The following KHDC1 variants were observed in gnomAD, a reference collection of about 807,000 sequenced individuals.
KHDC1 encodes the protein KH homology domain-containing protein 1.
KHDC1 carries 21 observed loss-of-function variants against 24.7 expected under a neutral mutation model. The ratio of observed to expected loss-of-function variants is 0.85; its 90% CI spans 0.60 to 1.23. KHDC1 has a LOEUF of 1.23. Ranked by LOEUF, KHDC1 falls within the 50% of genes most tolerant of loss-of-function variation. KHDC1 has a pLI of 0.00. For missense variants in KHDC1, 274 were observed against 298.5 expected (o/e 0.92, Z 0.61); for synonymous variants, 98 against 111.7 (o/e 0.88, Z 0.77).
intron 2 of KHDC1, among the ~76,000 whole-genome samples, chr6:73,246,167 C>T (rs777098065): frequency 7.2e-5 from 11 of 152,122 alleles, no homozygotes; most frequent in Non-Finnish European, 1.2e-4. Context: ...ATATCTACTG[C>T]CTATATAAAT....
chr6:73,253,381 G>A (rs1332511895), intron 2 of KHDC1, among the ~76,000 whole-genome samples: 2 of 151,374 alleles, frequency 1.3e-5, no homozygotes, highest in African/African-American at 2.4e-5. Context: ...GTGAAACCCC[G>A]TCTCTACTAA....
chr6:73,248,201 G>A (rs1766705133), intron 2 of KHDC1, among the ~76,000 whole-genome samples: 1 of 152,142 alleles, frequency 6.6e-6, no homozygotes, highest in Admixed American at 6.5e-5. Context: ...AGGGAGCCTG[G>A]GTGGACTATT....
exon 4 of KHDC1, chr6:73,242,216 C>T (rs765437338): frequency 2.0e-5 from 33 of 1,613,180 alleles, no homozygotes; most frequent in Non-Finnish European, 2.3e-5. Context: ...CTCAATGCAG[C>T]GAAGGTATGT....
intron 1 of KHDC1, among the ~76,000 whole-genome samples, chr6:73,306,680 G>A (rs901554089): frequency 2.0e-5 from 3 of 151,898 alleles, no homozygotes; most frequent in African/African-American, 4.8e-5. Flanking sequence ...TTGGTGCCCC[G>A]GGGCAGTGGG....
chr6:73,267,299 G>A (rs1767092033), intron 2 of KHDC1, among the ~76,000 whole-genome samples: 1 of 152,052 alleles, frequency 6.6e-6, no homozygotes, highest in Admixed American at 6.6e-5. Context: ...GGCCAACATG[G>A]CAAAACCCCA....
intron 2 of KHDC1, among the ~76,000 whole-genome samples, chr6:73,245,533 C>T (rs1463519548): frequency 6.6e-6 from 1 of 152,120 alleles, no homozygotes; most frequent in Admixed American, 6.5e-5. Context: ...ATGGAGTAGC[C>T]TATGAATCCC....
At chr6:73,283,163 A>G (rs1767445998) in intron 2 of KHDC1, among the ~76,000 whole-genome samples, 1 of 152,180 alleles carries the variant, frequency 6.6e-6, no homozygotes, top group Non-Finnish European at 1.5e-5. Flanking sequence ...GAAGGAAGTC[A>G]TTACGTATAG....
chr6:73,303,917 A>AC (rs1276276276), intron 1 of KHDC1, among the ~76,000 whole-genome samples: 2 of 152,210 alleles, frequency 1.3e-5, no homozygotes, highest in Non-Finnish European at 2.9e-5. Context: ...GGTGGCTCAC[A>AC]CCTGTAATCC....
intron 2 of KHDC1, among the ~76,000 whole-genome samples, chr6:73,251,041 A>G (rs186048815): frequency 3.9e-5 from 6 of 152,152 alleles, no homozygotes; most frequent in East Asian, 3.9e-4. Flanking sequence ...CCAGGCTGCT[A>G]TCGTCAAACT....
chr6:73,267,537 T>C (rs775021423), intron 2 of KHDC1, among the ~76,000 whole-genome samples: 12 of 152,104 alleles, frequency 7.9e-5, no homozygotes, highest in Non-Finnish European at 1.8e-4. Context: ...TTGGCAAAGA[T>C]ATTGAGAAAT....
At chr6:73,268,481 C>G (rs111293924) in intron 2 of KHDC1, 17,789 of 152,234 alleles carry the variant, frequency 0.12, 1,343 homozygotes, top group East Asian at 0.21. Flanking sequence ...GCTCCGGAAG[C>G]CTGCTTTTAT....
intron 1 of KHDC1, chr6:73,299,825 C>G (rs935166351): frequency 8.5e-4 from 130 of 152,112 alleles, no homozygotes; most frequent in African/African-American, 3.1e-3. Flanking sequence ...GTGGTCTAGG[C>G]GGAGGGATGA....
intron 2 of KHDC1, among the ~76,000 whole-genome samples, chr6:73,259,286 T>TTTTTTTTTTTTTTTTTTTTG: frequency 7.5e-6 from 1 of 132,866 alleles, no homozygotes; most frequent in Non-Finnish European, 1.6e-5. Context: ...TATGCTTTTT[T>TTTTTTTTTTTTTTTTTTTTG]TTTTTTTTTT....
At chr6:73,280,068 G>A (rs1027547273) in intron 2 of KHDC1, among the ~76,000 whole-genome samples, 7 of 152,134 alleles carry the variant, frequency 4.6e-5, no homozygotes, top group African/African-American at 1.4e-4. Flanking sequence ...AGAGAAATGT[G>A]ATAGCCAGTC....
rs1767606146 is a variant in KHDC1, at chr6:73,289,825, G to A, written c.206+2173C>T. On this transcript the variant is annotated intron_variant, in intron 2 of 4. Coordinates refer to ENST00000370384, the Ensembl canonical transcript of KHDC1. Reference sequence around the variant, plus strand: ...TACAAAAAATTAGCCAGGCGGCCGGGCGCGGTGGCTCACGCCTGTAATCCC... The same window carrying A: ...TACAAAAAATTAGCCAGGCGGCCGGACGCGGTGGCTCACGCCTGTAATCCC... Among the ~76,000 whole-genome samples the A allele has an allele frequency of 2.0e-5, 3 of 151,598 alleles. No homozygotes were observed. In the South Asian group the frequency reaches 6.3e-4, roughly 32 times the overall value.
chr6:73,247,726 A>G, intron 2 of KHDC1, among the ~76,000 whole-genome samples: 1 of 151,972 alleles, frequency 6.6e-6, no homozygotes, highest in East Asian at 1.9e-4. Flanking sequence ...GCATAGTGGC[A>G]CGCATCTGTA....
exon 5 of KHDC1, chr6:73,241,480 C>A: frequency 6.3e-7 from 1 of 1,576,020 alleles, no homozygotes; most frequent in Non-Finnish European, 8.7e-7. Context: ...AAAAGTGAAG[C>A]CAAGATTTCT....
At chr6:73,273,910 A>T (rs897091921) in intron 2 of KHDC1, among the ~76,000 whole-genome samples, 9 of 152,292 alleles carry the variant, frequency 5.9e-5, no homozygotes, top group African/African-American at 2.2e-4. Context: ...CTTGAAGCCA[A>T]GAGTGGAGAC....
intron 2 of KHDC1, chr6:73,268,759 A>C (rs1767123316): frequency 6.6e-6 from 1 of 152,364 alleles, no homozygotes; most frequent in African/African-American, 2.4e-5. Flanking sequence ...CCTGAGCTAG[A>C]TATAAAGACT....
Sources: allele counts gnomAD v4.1 joint callset (sites outside exome capture counted in the v4.1 genomes callset), GRCh38; gene constraint gnomAD v4.1.1; transcripts MANE v1.5; gene names NCBI Gene and HGNC (gene_info 2026-07-23, HGNC 2026-07-21).